Variants in GLRA3 observed in about 807,000 individuals in gnomAD.
GLRA3 encodes glycine receptor alpha 3, also known as glycine receptor subunit alpha-3.
A neutral mutation model predicts 60.4 loss-of-function variants in GLRA3; 44 were observed. The ratio of observed to expected loss-of-function variants is 0.73; its 90% CI spans 0.57 to 0.94. The LOEUF is 0.94. Among genes scored for constraint, GLRA3 ranks in the 40% least tolerant of loss-of-function variants. GLRA3 has a pLI of 0.00. For missense variants in GLRA3, 508 were observed against 564.6 expected, an observed-to-expected ratio of 0.90 and a Z score of 1.02; for synonymous variants, 223 against 192.9, an observed-to-expected ratio of 1.16 and a Z score of -1.29.
intron 7 of GLRA3, 56 bp downstream of exon 7, chr4:174,677,022 T>C: frequency 9.3e-7 from 1 of 1,070,316 alleles, no homozygotes; most frequent in African/African-American, 1.5e-5. Flanking sequence ...AATGATATCT[T>C]TGCAAGATTT....
chr4:174,759,995 G>A (rs916785817), intron 3 of GLRA3, among the ~76,000 whole-genome samples: 2 of 152,094 alleles, frequency 1.3e-5, no homozygotes, highest in Admixed American at 1.3e-4. Context: ...AGCAAACAAG[G>A]TTAAATTTTG....
chr4:174,742,584 T>A (rs1486587748), intron 3 of GLRA3, among the ~76,000 whole-genome samples: 1 of 152,194 alleles, frequency 6.6e-6, no homozygotes, highest in African/African-American at 2.4e-5. Context: ...CTCTCCTTTG[T>A]TTCTGATGTT....
intron 5 of GLRA3, among the ~76,000 whole-genome samples, chr4:174,706,208 C>T (rs1000903837): frequency 4.0e-5 from 6 of 148,466 alleles, no homozygotes; most frequent in East Asian, 2.0e-4. Flanking sequence ...CCAGCCTGGG[C>T]GAAAGGGCGA....
At position 174,728,951 on chromosome 4, in the gene GLRA3, G is replaced by A. The variant is rs78836062; in HGVS notation, c.268-253C>T. On this transcript the variant is annotated intron_variant, in intron 3 of 9. Transcript: ENST00000274093. ...AAAAAATAAAGTCTTATAAAAAAGA[G>A]TTTTGGATCTTATATACTGTTCTTT... Among the ~76,000 whole-genome samples, 152 of 152,246 alleles carry A rather than the reference G, an allele frequency of 1.0e-3. 4 individuals are homozygous for A. In the East Asian group the frequency reaches 0.024, roughly 24 times the overall value.
chr4:174,649,836 T>C (rs1381853469), intron 9 of GLRA3, among the ~76,000 whole-genome samples: 1 of 144,262 alleles, frequency 6.9e-6, no homozygotes, highest in East Asian at 2.0e-4. Flanking sequence ...GTCTCATTGG[T>C]AAAAAAAAAA....
intron 7 of GLRA3, among the ~76,000 whole-genome samples, chr4:174,660,199 C>T (rs13104166): frequency 5.9e-5 from 9 of 152,026 alleles, no homozygotes; most frequent in Non-Finnish European, 1.0e-4. Context: ...AAATCCCTCC[C>T]ATTTCACCAA....
rs10015565 is a variant in GLRA3, at chr4:174,643,080, G to A, written c.*706C>T. On this transcript the variant is annotated 3_prime_UTR_variant, in exon 10 of 10. Coordinates refer to ENST00000274093, the MANE Select transcript of GLRA3 (RefSeq NM_006529.4). ...TTATTTAAAAACAAAGTTGTTTCCCGTATTTCCACCTTCGTTCCTAGAGAT... is the reference window on the plus strand; with the variant it reads ...TTATTTAAAAACAAAGTTGTTTCCCATATTTCCACCTTCGTTCCTAGAGAT... 0.11 allele frequency: 105,667 copies of A among 936,800 alleles called. 13,023 individuals are homozygous for A. Among genetic ancestry groups the A allele is most frequent in the African/African-American group, 0.6 (32,827 of 55,170 alleles). 58.0% of individuals were successfully genotyped at this position (936,800 alleles called of 1,614,324 possible).
At chr4:174,805,756 G>T (rs1263817040) in intron 1 of GLRA3, among the ~76,000 whole-genome samples, 1 of 152,044 alleles carries the variant, frequency 6.6e-6, no homozygotes, top group Non-Finnish European at 1.5e-5. Flanking sequence ...GGTTGATATA[G>T]AACTCAGTAA....
At chr4:174,810,733 A>T (rs1740230213) in intron 1 of GLRA3, among the ~76,000 whole-genome samples, 1 of 152,162 alleles carries the variant, frequency 6.6e-6, no homozygotes, top group African/African-American at 2.4e-5. Flanking sequence ...AAAATTATAA[A>T]TGCAAGTTTG....
At chr4:174,708,941 G>A (rs1015948452) in intron 5 of GLRA3, among the ~76,000 whole-genome samples, 1 of 150,722 alleles carries the variant, frequency 6.6e-6, no homozygotes, top group African/African-American at 2.4e-5. Flanking sequence ...CTTCCATCAA[G>A]CATTCCTTAG....
At chr4:174,690,435 A>G (rs1281124151) in intron 5 of GLRA3, among the ~76,000 whole-genome samples, 2 of 152,200 alleles carry the variant, frequency 1.3e-5, no homozygotes, top group Non-Finnish European at 2.9e-5. Context: ...AATCAGACCT[A>G]TGTGTGGAAA....
chr4:174,735,608 T>A (rs1156510645), intron 3 of GLRA3, among the ~76,000 whole-genome samples: 1 of 152,194 alleles, frequency 6.6e-6, no homozygotes, highest in East Asian at 1.9e-4. Flanking sequence ...TCTCCCAGGC[T>A]GGAATGCAGT....
In GLRA3 at chr4:174,829,208, C is replaced by T. The variant is rs1483701566; in HGVS notation, c.-397G>A. The T allele has an allele frequency of 6.1e-6, 1 of 163,738 alleles. No homozygotes were observed. The highest frequency in any genetic ancestry group is 2.4e-5 in the African/African-American group (1 of 41,792). The allele number at this position is 163,738 out of a possible 1,614,324, so 10.1% of individuals were successfully genotyped here. On this transcript the variant is annotated 5_prime_UTR_variant, in exon 1 of 10. Transcript: ENST00000274093. The stretch of plus-strand genomic sequence containing the variant: ...AAAGAGGACGCCTCTCCACCTGCTC[C>T]AAGCGCCGCCCGCCGGAATCCAGCT...
intron 9 of GLRA3, among the ~76,000 whole-genome samples, chr4:174,650,528 A>G (rs1732988316): frequency 6.6e-6 from 1 of 152,206 alleles, no homozygotes. Context: ...AATGACAGCT[A>G]CTGACATTCT....
At chr4:174,824,656 A>G (rs773586284) in intron 1 of GLRA3, among the ~76,000 whole-genome samples, 1 of 152,292 alleles carries the variant, frequency 6.6e-6, no homozygotes, top group Non-Finnish European at 1.5e-5. Flanking sequence ...TATCTGTATC[A>G]TTCGTTTTGC....
chr4:174,821,250 A>C (rs1276759691), intron 1 of GLRA3, among the ~76,000 whole-genome samples: 2 of 152,226 alleles, frequency 1.3e-5, no homozygotes, highest in East Asian at 3.8e-4. Flanking sequence ...AACTATATGC[A>C]TTTATGGAAA....
chr4:174,682,770 A>G, intron 6 of GLRA3, 32 bp downstream of exon 6: 1 of 1,487,138 alleles, frequency 6.7e-7, no homozygotes, highest in Non-Finnish European at 9.3e-7. Flanking sequence ...AACCACAAGT[A>G]GTAAGTGTAA....
chr4:174,751,583 G>A (rs998964163), intron 3 of GLRA3, among the ~76,000 whole-genome samples: 2 of 152,060 alleles, frequency 1.3e-5, no homozygotes, highest in African/African-American at 4.8e-5. Context: ...TTGCAAATAG[G>A]TAGGGGCATA....
intron 4 of GLRA3, among the ~76,000 whole-genome samples, chr4:174,720,314 T>G (rs1270304006): frequency 2.0e-5 from 3 of 152,202 alleles, no homozygotes; most frequent in Non-Finnish European, 4.4e-5. Flanking sequence ...GGTTTATGGA[T>G]TCTGTAAAAA....
Sources: allele counts gnomAD v4.1 joint callset (sites outside exome capture counted in the v4.1 genomes callset), GRCh38; gene constraint gnomAD v4.1.1; transcripts MANE v1.5; gene names NCBI Gene and HGNC (gene_info 2026-07-23, HGNC 2026-07-21).